Variants in SMYD3 observed in about 807,000 individuals in gnomAD.
SMYD3 encodes SET and MYND domain containing 3.
Under a neutral mutation model 57.7 loss-of-function variants are expected in SMYD3, and 36 were observed. That is an observed-to-expected ratio of 0.62 (90% confidence interval 0.48 to 0.82). The LOEUF is 0.82. Ranked by LOEUF, SMYD3 falls within the 40% of genes least tolerant of loss-of-function variation. The pLI is 0.00. For missense variants in SMYD3, 515 were observed against 538.8 expected (o/e 0.96, Z 0.44); for synonymous variants, 211 against 195.0 (o/e 1.08, Z -0.68).
At chr1:246,275,752 C>T (rs957823997) in intron 5 of SMYD3, among the ~76,000 whole-genome samples, 2 of 149,984 alleles carry the variant, frequency 1.3e-5, no homozygotes, top group Non-Finnish European at 2.9e-5. Flanking sequence ...GAGTCTGATG[C>T]CCATGTTTGA....
At chr1:245,887,887 A>G (rs1572598519) in intron 8 of SMYD3, among the ~76,000 whole-genome samples, 1 of 152,182 alleles carries the variant, frequency 6.6e-6, no homozygotes, top group East Asian at 1.9e-4. Context: ...AGAAACAGGG[A>G]GGGAGGGAGA....
intron 5 of SMYD3, among the ~76,000 whole-genome samples, chr1:246,171,957 G>A (rs569081292): frequency 3.9e-5 from 6 of 152,330 alleles, no homozygotes; most frequent in Non-Finnish European, 7.3e-5. Context: ...GCTACAGTGA[G>A]CCAAGATCAC....
At chr1:246,147,805 G>C (rs2061875683) in intron 5 of SMYD3, among the ~76,000 whole-genome samples, 1 of 152,144 alleles carries the variant, frequency 6.6e-6, no homozygotes, top group South Asian at 2.1e-4. Context: ...GCAGGAGCCA[G>C]GGACAAGAGG....
chr1:246,426,451 T>G (rs1373310993), intron 1 of SMYD3, among the ~76,000 whole-genome samples: 3 of 152,196 alleles, frequency 2.0e-5, no homozygotes, highest in African/African-American at 7.2e-5. Flanking sequence ...CAGCCACTAA[T>G]CTACTTTCTG....
chr1:246,413,933 G>A (rs187617150), intron 1 of SMYD3, among the ~76,000 whole-genome samples: 141 of 152,208 alleles, frequency 9.3e-4, no homozygotes, highest in African/African-American at 3.1e-3. Context: ...TTAAAACTCC[G>A]AAAAAACAAA....
intron 5 of SMYD3, among the ~76,000 whole-genome samples, chr1:246,083,891 C>T (rs545428104): frequency 6.6e-6 from 1 of 152,150 alleles, no homozygotes; most frequent in South Asian, 2.1e-4. Flanking sequence ...TAAACCGAAA[C>T]CAAACGAAAT....
intron 5 of SMYD3, among the ~76,000 whole-genome samples, chr1:246,083,476 C>T (rs1328098115): frequency 1.0e-5 from 1 of 99,096 alleles, no homozygotes; most frequent in South Asian, 3.2e-4. Flanking sequence ...CGATAATGAT[C>T]GATAAATACT....
intron 10 of SMYD3, among the ~76,000 whole-genome samples, chr1:245,803,913 ATTT>A (rs34038938): frequency 5.5e-5 from 4 of 73,352 alleles, no homozygotes; most frequent in Non-Finnish European, 7.1e-5. Context: ...GTAAGTCAGT[ATTT>A]TTTTTTTTTT....
chr1:246,339,233 G>A lies in SMYD3; in HGVS notation c.229-3759C>T, dbSNP rs61480569. Among the ~76,000 whole-genome samples the A allele has an allele frequency of 3.3e-5, 5 of 152,032 alleles. 1 individual carries two copies. Among genetic ancestry groups the A allele is most frequent in the South Asian group, 4.2e-4 (2 of 4,816 alleles). On this transcript the variant is annotated intron_variant, in intron 2 of 11. Transcript: ENST00000490107. ...ACCAATACAACACGGCTTCTGACCC[G>A]CATCTCTACTTCCCTTCTCACAGTG...
intron 5 of SMYD3, among the ~76,000 whole-genome samples, chr1:245,950,612 C>T (rs2147940365): frequency 6.6e-6 from 1 of 152,330 alleles, no homozygotes; most frequent in Admixed American, 6.5e-5. Flanking sequence ...TCTTTGCTTT[C>T]ACCATTCCGA....
chr1:245,841,793 T>C (rs889455540), intron 10 of SMYD3, among the ~76,000 whole-genome samples: 4 of 152,184 alleles, frequency 2.6e-5, no homozygotes, highest in Non-Finnish European at 5.9e-5. Context: ...ATTTTAGAAT[T>C]TTCTTTTCTA....
chr1:246,484,918 A>G (rs1430730656), intron 1 of SMYD3, among the ~76,000 whole-genome samples: 1 of 24,142 alleles, frequency 4.1e-5, no homozygotes, highest in Admixed American at 7.2e-4. Flanking sequence ...TGCACTAGTT[A>G]CACCTGAAAA....
At chr1:246,221,809 G>A (rs566145939) in intron 5 of SMYD3, among the ~76,000 whole-genome samples, 1 of 152,256 alleles carries the variant, frequency 6.6e-6, no homozygotes, top group South Asian at 2.1e-4. Context: ...CAGGCTGGTA[G>A]CATGAGCTGA....
At chr1:245,872,466 C>T (rs2052257873) in intron 8 of SMYD3, among the ~76,000 whole-genome samples, 1 of 126,910 alleles carries the variant, frequency 7.9e-6, no homozygotes, top group African/African-American at 3.4e-5. Flanking sequence ...CCTGAGCTGG[C>T]CGACCCCAGG....
In SMYD3 at chr1:246,046,964, T is replaced by C. The variant is rs139442580; in HGVS notation, c.532-117027A>G. ...TTAACAACAAAATATATATAAACTC[T>C]ATATAACAAACAGAAAATATTATTG... On this transcript the variant is annotated intron_variant, in intron 5 of 11. Transcript: ENST00000490107. 5.5e-3 allele frequency among the ~76,000 whole-genome samples: 844 copies of C among 152,112 alleles called. 3 individuals are homozygous for C. The highest frequency in any genetic ancestry group is 9.2e-3 in the Non-Finnish European group (625 of 67,970).
chr1:245,984,574 C>T (rs1174578820), intron 5 of SMYD3, among the ~76,000 whole-genome samples: 1 of 152,166 alleles, frequency 6.6e-6, no homozygotes, highest in Non-Finnish European at 1.5e-5. Context: ...GGCTGCTGAG[C>T]TCCAAACCCA....
intron 5 of SMYD3, among the ~76,000 whole-genome samples, chr1:246,145,625 C>T (rs2061830786): frequency 6.6e-6 from 1 of 152,178 alleles, no homozygotes; most frequent in Non-Finnish European, 1.5e-5. Flanking sequence ...CGAGTGTGAA[C>T]TCAGCCCACT....
rs535569777 is a variant in SMYD3 at position 245,934,436 on chromosome 1, AT to A, written c.532-4500del. On this transcript the variant is annotated intron_variant, in intron 5 of 11. Coordinates refer to ENST00000490107, the MANE Select transcript of SMYD3 (RefSeq NM_001167740.2). ...GAATATGACAGGTTATTAAGTACAG[AT>A]TTTTTTCCAGAATCTTCTCATAAAC... Among the ~76,000 whole-genome samples, 109 of 152,280 alleles carry A rather than the reference AT, an allele frequency of 7.2e-4. 1 individual carries two copies. The highest frequency in any genetic ancestry group is 2.6e-3 in the African/African-American group (107 of 41,540).
chr1:246,476,887 T>C (rs768167781), intron 1 of SMYD3, among the ~76,000 whole-genome samples: 3 of 152,182 alleles, frequency 2.0e-5, no homozygotes, highest in Non-Finnish European at 2.9e-5. Context: ...ACAAAACTCT[T>C]GACTATTCAA....
Sources: allele counts gnomAD v4.1 joint callset (sites outside exome capture counted in the v4.1 genomes callset), GRCh38; gene constraint gnomAD v4.1.1; transcripts MANE v1.5; gene names NCBI Gene and HGNC (gene_info 2026-07-23, HGNC 2026-07-21).